CPEB1: variants seen among roughly 807,000 people sequenced by gnomAD.
CPEB1 encodes cytoplasmic polyadenylation element-binding protein 1.
A neutral mutation model predicts 65.8 loss-of-function variants in CPEB1; 7 were observed. The ratio of observed to expected loss-of-function variants is 0.11; its 90% confidence interval spans 0.06 to 0.20. CPEB1 has a LOEUF of 0.20. Among genes scored for constraint, CPEB1 ranks in the 10% least tolerant of loss-of-function variants. CPEB1 has a pLI of 1.00. For synonymous variants in CPEB1, 262 were observed against 260.0 expected (o/e 1.01, Z -0.08); for missense variants, 551 against 712.2 (o/e 0.77, Z 2.58).
intron 3 of CPEB1, among the ~76,000 whole-genome samples, chr15:82,624,093 G>A (rs2045546816): frequency 6.6e-6 from 1 of 152,140 alleles, no homozygotes; most frequent in East Asian, 1.9e-4. Context: ...ATATATCCTA[G>A]TTTACTTTCT....
chr15:82,589,608 G>T (rs541881481), intron 3 of CPEB1, among the ~76,000 whole-genome samples: 1 of 151,920 alleles, frequency 6.6e-6, no homozygotes, highest in Admixed American at 6.6e-5. Flanking sequence ...ACCAGACATA[G>T]TGGCACATGC....
In CPEB1 at chr15:82,557,923, G is replaced by A. The variant is rs2037510977; in HGVS notation, c.524C>T (p.Pro175Leu). 6.2e-7 allele frequency: 1 copy of A among 1,614,000 alleles called. No individual in the cohort carries two copies. Reference sequence around the variant, plus strand: ...CAAGTCAGACCCAAGGGGATCCAGAGGCAGGAAGCTCAAGGGGGGTTTTCC... The same window carrying A: ...CAAGTCAGACCCAAGGGGATCCAGAAGCAGGAAGCTCAAGGGGGGTTTTCC... Reference protein sequence around the residue: ...VLGKPPLSFLPLDPLGSDLVD... With the variant: ...VLGKPPLSFLLLDPLGSDLVD... Residue 175 changes from proline (P) to leucine (L), a missense_variant, in exon 5 of 13, where the codon CCT (proline) becomes CTT (leucine). By Grantham distance (98) the Pro-to-Leu change is moderately conservative (BLOSUM62 -3). Coordinates refer to ENST00000684509, the MANE Select transcript of CPEB1 (RefSeq NM_001365242.1).
At chr15:82,571,692 G>A (rs1204535596) in intron 3 of CPEB1, 160 bp from the exon 4 acceptor site, 47 of 1,436,390 alleles carry the variant, frequency 3.3e-5, no homozygotes, top group East Asian at 1.3e-4. Context: ...TTTTGGGGAC[G>A]CTGGGGCAAG....
chr15:82,640,670 AC>A (rs1160414049), intron 1 of CPEB1: 3 of 152,152 alleles, frequency 2.0e-5, no homozygotes, highest in Non-Finnish European at 4.4e-5. Flanking sequence ...AGATAGATAC[AC>A]GCATTCGGTA....
intron 3 of CPEB1, among the ~76,000 whole-genome samples, chr15:82,616,343 A>G (rs1369020249): frequency 6.6e-6 from 1 of 152,146 alleles, no homozygotes; most frequent in Non-Finnish European, 1.5e-5. Context: ...GAAGTATAAA[A>G]ACACGGATGG....
intron 6 of CPEB1, among the ~76,000 whole-genome samples, chr15:82,555,214 T>C (rs2036988520): frequency 6.6e-6 from 1 of 152,180 alleles, no homozygotes; most frequent in Admixed American, 6.5e-5. Flanking sequence ...AGAGATGGGG[T>C]CTTGCTATGT....
chr15:82,566,529 C>T (rs1017152093), intron 4 of CPEB1, among the ~76,000 whole-genome samples: 2 of 152,136 alleles, frequency 1.3e-5, no homozygotes, highest in African/African-American at 2.4e-5. Context: ...TCTACTGTGG[C>T]GGTAAACAGA....
intron 3 of CPEB1, among the ~76,000 whole-genome samples, chr15:82,624,563 T>C (rs1158213347): frequency 2.6e-5 from 4 of 152,064 alleles, no homozygotes; most frequent in Non-Finnish European, 5.9e-5. Context: ...AGTCTTTAAC[T>C]TGTACTTCGG....
chr15:82,642,874 A>C (rs1313609585), intron 1 of CPEB1, among the ~76,000 whole-genome samples: 1 of 152,238 alleles, frequency 6.6e-6, no homozygotes, highest in Admixed American at 6.5e-5. Flanking sequence ...GCTACTAAAA[A>C]CAGTGTAAAC....
At chr15:82,617,367 A>T (rs2044819864) in intron 3 of CPEB1, among the ~76,000 whole-genome samples, 1 of 152,160 alleles carries the variant, frequency 6.6e-6, no homozygotes, top group African/African-American at 2.4e-5. Context: ...ATTTGTGTTA[A>T]GTTTGTATAC....
intron 3 of CPEB1, among the ~76,000 whole-genome samples, chr15:82,576,852 G>A (rs1170382609): frequency 2.6e-5 from 4 of 152,092 alleles, no homozygotes; most frequent in Non-Finnish European, 4.4e-5. Flanking sequence ...GCAAAACCCC[G>A]TCTGTAATAA....
chr15:82,618,046 T>G (rs2151281702), intron 3 of CPEB1, among the ~76,000 whole-genome samples: 1 of 152,184 alleles, frequency 6.6e-6, no homozygotes, highest in South Asian at 2.1e-4. Context: ...TTGTAACTTC[T>G]TTGTAACTTT....
chr15:82,570,197 G>A (rs1425124867), intron 4 of CPEB1, among the ~76,000 whole-genome samples: 1 of 152,032 alleles, frequency 6.6e-6, no homozygotes, highest in Non-Finnish European at 1.5e-5. Flanking sequence ...CAGACACAAC[G>A]GGCCCAGGCT....
At chr15:82,597,360 C>T (rs896254571) in intron 3 of CPEB1, among the ~76,000 whole-genome samples, 1 of 152,238 alleles carries the variant, frequency 6.6e-6, no homozygotes, top group Non-Finnish European at 1.5e-5. Flanking sequence ...TGCACCGGCC[C>T]AGTTGGATTT....
At chr15:82,590,209 C>CAAAAAAAA (rs5814120) in intron 3 of CPEB1, among the ~76,000 whole-genome samples, 1 of 104,154 alleles carries the variant, frequency 9.6e-6, no homozygotes, top group Non-Finnish European at 2.0e-5. Flanking sequence ...ATCCCTTTGA[C>CAAAAAAAA]AAAAAAAAAA....
chr15:82,645,676 T>A (rs2047446159), intron 1 of CPEB1, among the ~76,000 whole-genome samples: 1 of 151,990 alleles, frequency 6.6e-6, no homozygotes, highest in South Asian at 2.1e-4. Context: ...GAGACCATCC[T>A]GGCTAACATG....
intron 3 of CPEB1, among the ~76,000 whole-genome samples, chr15:82,626,560 C>G (rs1378253791): frequency 1.3e-5 from 2 of 152,230 alleles, no homozygotes; most frequent in African/African-American, 4.8e-5. Flanking sequence ...GACATCCACA[C>G]CTCTTGGAAA....
At chr15:82,544,724 G>C in intron 12 of CPEB1, 22 bp from the exon 13 acceptor site, 1 of 1,572,266 alleles carries the variant, frequency 6.4e-7, no homozygotes, top group Non-Finnish European at 8.7e-7. Flanking sequence ...GAACAAAAAG[G>C]AGGATGCCAT....
intron 4 of CPEB1, among the ~76,000 whole-genome samples, chr15:82,570,985 A>G (rs541404203): frequency 3.9e-4 from 59 of 152,050 alleles, no homozygotes; most frequent in African/African-American, 1.3e-3. Flanking sequence ...TCCCCCACCT[A>G]AAAGTGTTTT....
Sources: gnomAD v4.1 joint callset for allele counts (sites outside exome capture counted in the v4.1 genomes callset) on GRCh38, gnomAD v4.1.1 for gene constraint, MANE v1.5 for transcripts, NCBI Gene and HGNC (gene_info 2026-07-23, HGNC 2026-07-21) for gene names.